The following FAP variants were observed in gnomAD, a reference collection of about 807,000 sequenced individuals.
The protein encoded by FAP is prolyl endopeptidase FAP.
FAP carries 110 observed loss-of-function variants against 126.5 expected under a neutral mutation model. The ratio of observed to expected loss-of-function variants is 0.87; its 90% CI spans 0.74 to 1.02. The LOEUF (loss-of-function observed/expected upper bound fraction) is 1.02. Among genes scored for constraint, FAP ranks in the 50% least tolerant of loss-of-function variants. The pLI is 0.00. For missense variants in FAP, 919 were observed against 909.2 expected (o/e 1.01, Z -0.14); for synonymous variants, 334 against 297.3 (o/e 1.12, Z -1.27).
At chr2:162,220,109 T>C (rs1689328336) in intron 6 of FAP, among the ~76,000 whole-genome samples, 184 bp from the exon 7 acceptor site, 1 of 152,236 alleles carries the variant, frequency 6.6e-6, no homozygotes, top group African/African-American at 2.4e-5. Flanking sequence ...ATTGCTGTTC[T>C]TCCAGTAGTT....
intron 20 of FAP, among the ~76,000 whole-genome samples, chr2:162,185,215 TTA>T (rs1424206752): frequency 6.6e-6 from 1 of 152,162 alleles, no homozygotes; most frequent in Non-Finnish European, 1.5e-5. Flanking sequence ...GGATTGAACT[TTA>T]TAACTTTTCT....
intron 12 of FAP, among the ~76,000 whole-genome samples, chr2:162,208,828 T>G (rs1323282836): frequency 6.6e-6 from 1 of 151,702 alleles, no homozygotes; most frequent in Non-Finnish European, 1.5e-5. Flanking sequence ...AGGAGGGTTT[T>G]TTTTTTTTTC....
chr2:162,213,428 A>C (rs113229770), intron 11 of FAP, among the ~76,000 whole-genome samples: 7,313 of 151,990 alleles, frequency 0.048, 548 homozygotes, highest in Admixed American at 0.22. Context: ...AACAAACAAA[A>C]AAAAAAACAG....
At chr2:162,235,157 C>G (rs34904074) in intron 2 of FAP, among the ~76,000 whole-genome samples, 7,384 of 151,652 alleles carry the variant, frequency 0.049, 240 homozygotes, top group Non-Finnish European at 0.069. Context: ...CCCGTCACCC[C>G]CTCCGCACCG....
chr2:162,214,105 C>A (rs1027358249), intron 10 of FAP, 32 bp from the exon 11 acceptor site: 10 of 1,608,016 alleles, frequency 6.2e-6, no homozygotes, highest in Admixed American at 1.7e-5. Context: ...GTAGTCACAA[C>A]CATAAACCAG....
chr2:162,224,383 C>A (rs964505989), intron 5 of FAP, 83 bp downstream of exon 5: 6 of 777,808 alleles, frequency 7.7e-6, no homozygotes, highest in African/African-American at 5.3e-5. Flanking sequence ...AAGACAGACT[C>A]TTGCTTTCTC....
intron 8 of FAP, 47 bp from the exon 9 acceptor site, chr2:162,218,187 T>C (rs1448959397): frequency 1.6e-6 from 2 of 1,287,000 alleles, no homozygotes; most frequent in East Asian, 2.5e-5. Flanking sequence ...ATCTTACTCT[T>C]AAAATCATTG....
chr2:162,180,451 A>T (rs141335715), intron 21 of FAP, among the ~76,000 whole-genome samples: 2 of 152,280 alleles, frequency 1.3e-5, no homozygotes, highest in Non-Finnish European at 2.9e-5. Context: ...CCACCCCAGA[A>T]GCACAGACTC....
intron 6 of FAP, among the ~76,000 whole-genome samples, chr2:162,220,142 C>G (rs1379176383): frequency 6.6e-6 from 1 of 152,178 alleles, no homozygotes; most frequent in East Asian, 1.9e-4. Context: ...CTTAACTTTA[C>G]TGGGTGTCAG....
chr2:162,173,312 CTG>C, intron 23 of FAP, 91 bp from the exon 24 acceptor site: 1 of 891,990 alleles, frequency 1.1e-6, no homozygotes, highest in Non-Finnish European at 1.9e-6. Context: ...AGCACCAATA[CTG>C]AAATTATGTA....
chr2:162,200,406 T>A, intron 15 of FAP, among the ~76,000 whole-genome samples, 160 bp downstream of exon 15: 1 of 143,214 alleles, frequency 7.0e-6, no homozygotes, highest in Non-Finnish European at 1.5e-5. Context: ...TTTGCGAGTG[T>A]GTGTTTTTTA....
At chr2:162,236,552 A>G (rs1157982571) in intron 2 of FAP, among the ~76,000 whole-genome samples, 1 of 151,502 alleles carries the variant, frequency 6.6e-6, no homozygotes, top group Non-Finnish European at 1.5e-5. Context: ...GGTAGTTAGT[A>G]TCTTTCTGTG....
chr2:162,200,393 C>T (rs59513428), intron 15 of FAP, among the ~76,000 whole-genome samples, 173 bp downstream of exon 15: 10,000 of 151,574 alleles, frequency 0.066, 1,118 homozygotes, highest in African/African-American at 0.23. Context: ...AATTGGCTAA[C>T]ATTTTGCGAG....
intron 16 of FAP, among the ~76,000 whole-genome samples, chr2:162,196,530 T>A (rs916319357): frequency 1.2e-4 from 18 of 152,074 alleles, no homozygotes; most frequent in Admixed American, 3.9e-4. Flanking sequence ...TTTTTTTTTT[T>A]TTTTTGCCTA....
At chr2:162,184,673 TG>T (rs1413765581) in intron 20 of FAP, among the ~76,000 whole-genome samples, 2 of 152,090 alleles carry the variant, frequency 1.3e-5, no homozygotes, top group South Asian at 4.1e-4. Flanking sequence ...ATGCTGCTCA[TG>T]GTATAGAGGA....
intron 11 of FAP, among the ~76,000 whole-genome samples, chr2:162,210,405 G>A (rs1688880793): frequency 6.6e-6 from 1 of 152,166 alleles, no homozygotes; most frequent in African/African-American, 2.4e-5. Flanking sequence ...TTAGCATAAT[G>A]TAATTGATCA....
chr2:162,185,231 A>G (rs1006650157), intron 20 of FAP, among the ~76,000 whole-genome samples: 4 of 152,298 alleles, frequency 2.6e-5, no homozygotes, highest in South Asian at 2.1e-4. Context: ...CTTTTCTCTC[A>G]TAAAGTTGGC....
At position 162,189,180 on chromosome 2, in the gene FAP, G is replaced by GAAA; in HGVS notation, c.1550-11_1550-9dup. On this transcript the variant is annotated splice_polypyrimidine_tract_variant and intron_variant, in intron 18 of 25. Transcript: ENST00000188790. ...TCATCTTGTACCATAAAGCTTTGAG[G>GAAA]AAAAAAAAAGGAGAAAAATCTTCAT... is the stretch of plus-strand genomic sequence containing the variant. 1.3e-6 allele frequency: 2 copies of GAAA among 1,536,794 alleles called. No individual in the cohort carries two copies. Among genetic ancestry groups the GAAA allele is most frequent in the Non-Finnish European group, 1.8e-6 (2 of 1,132,984 alleles).
At chr2:162,213,856 A>G (rs1689058579) in intron 11 of FAP, 82 bp downstream of exon 11, 3 of 1,405,576 alleles carry the variant, frequency 2.1e-6, no homozygotes, top group African/African-American at 1.4e-5. Flanking sequence ...GCTTTACAAC[A>G]TAAAATGTTA....
Sources: gnomAD v4.1 joint callset for allele counts (sites outside exome capture counted in the v4.1 genomes callset) on GRCh38, gnomAD v4.1.1 for gene constraint, MANE v1.5 for transcripts, NCBI Gene and HGNC (gene_info 2026-07-23, HGNC 2026-07-21) for gene names.